Variants in SEMA3G observed in about 807,000 individuals in gnomAD.
SEMA3G encodes the protein semaphorin-3G.
A neutral mutation model predicts 86.2 loss-of-function variants in SEMA3G; 70 were observed. The ratio of observed to expected loss-of-function variants is 0.81; its 90% CI spans 0.67 to 0.99. The LOEUF is 0.99. SEMA3G is among the 50% of genes least tolerant of loss of function. The pLI, the probability that SEMA3G is intolerant of heterozygous loss-of-function variation, is 0.00. For missense variants in SEMA3G, 1,002 were observed against 1,072.4 expected (o/e 0.93, Z 0.92); for synonymous variants, 416 against 441.4 (o/e 0.94, Z 0.72).
At position 52,441,037 on chromosome 3, in the gene SEMA3G, C is replaced by T. The variant is rs1706143790; in HGVS notation, c.825G>A (p.Gly275=). ...RVGRVCVNDA[G]GQRVLVNKWS... Reference sequence around the variant, plus strand: ...ATTTGTTCACCAGCACCCGCTGGCCCCCAGCATCATTCTGCAGGATAAGGG... The same window carrying T: ...ATTTGTTCACCAGCACCCGCTGGCCTCCAGCATCATTCTGCAGGATAAGGG... The change falls in exon 8 of 16, where the codon GGG becomes GGA. Residue 275 remains glycine, a synonymous_variant. Coordinates refer to ENST00000231721, the MANE Select transcript of SEMA3G (RefSeq NM_020163.3). 2.5e-6 allele frequency: 4 copies of T among 1,597,276 alleles called. No individual in the cohort carries two copies. The highest frequency in any genetic ancestry group is 3.4e-6 in the Non-Finnish European group (4 of 1,177,250).
In SEMA3G at chr3:52,434,748, T is replaced by C. The variant is rs972482641; in HGVS notation, c.*855A>G. ...CCCAGCTCCCCCACCCTATCTCTAGTCCACAGACACAAGGGACAACAATGC... is the reference window on the plus strand; with the variant it reads ...CCCAGCTCCCCCACCCTATCTCTAGCCCACAGACACAAGGGACAACAATGC... On this transcript the variant is annotated 3_prime_UTR_variant, in exon 16 of 16. Coordinates refer to ENST00000231721, the MANE Select transcript of SEMA3G (RefSeq NM_020163.3). This position sits in a 1 kb window ranked among gnomAD's most constrained non-coding sequence, Gnocchi z 5.2. 1.3e-5 allele frequency: 2 copies of C among 152,044 alleles called. No individual in the cohort carries two copies. The highest frequency in any genetic ancestry group is 2.9e-5 in the Non-Finnish European group (2 of 68,008). The allele number at this position is 152,044 out of a possible 1,614,324, so 9.4% of individuals were successfully genotyped here.
chr3:52,435,768 G>A lies in SEMA3G; in HGVS notation c.2184C>T (p.Arg728=), dbSNP rs777532167. 6 of 1,614,102 alleles carry A rather than the reference G, an allele frequency of 3.7e-6. No individual in the cohort carries two copies. The highest frequency in any genetic ancestry group is 5.1e-6 in the Non-Finnish European group (6 of 1,180,016). ...NLPRVDEYCE[R]VWCRGTTECS... ...ATTCCGTGGTGCCCCTGCACCACACGCGCTCACAGTACTCATCCACCCGGG... is the reference window on the plus strand; with the variant it reads ...ATTCCGTGGTGCCCCTGCACCACACACGCTCACAGTACTCATCCACCCGGG... Residue 728 remains arginine (R), a synonymous_variant, in exon 16 of 16, where the codon CGC becomes CGT. Transcript: ENST00000231721.
At position 52,444,989 on chromosome 3, in the gene SEMA3G, C is replaced by G; in HGVS notation, c.39G>C (p.Gly13=). 6 of 1,290,638 alleles carry G rather than the reference C, an allele frequency of 4.6e-6. No individual in the cohort carries two copies. Among genetic ancestry groups the G allele is most frequent in the Non-Finnish European group, 5.9e-6 (6 of 1,013,232 alleles). 79.9% of individuals were successfully genotyped at this position (1,290,638 alleles called of 1,614,324 possible). Residue 13 remains glycine (G), a synonymous_variant, in exon 1 of 16, where the codon GGG becomes GGC. Transcript: ENST00000231721. ...AGCTACCCCCATGGAGCAGGAGGCCCCCTAGCAGCCAGCAAATGGCCCAGG... is the reference window on the plus strand; with the variant it reads ...AGCTACCCCCATGGAGCAGGAGGCCGCCTAGCAGCCAGCAAATGGCCCAGG... The part of the protein sequence containing the change: ...PSAWAICWLL[G]GLLLHGGSSG...
rs1706130935 is a variant in SEMA3G at position 52,440,461 on chromosome 3, G to GTCATTAA, written c.1058_1059insTTAATGA (p.Asn354Ter). The GTCATTAA allele has an allele frequency of 6.2e-7, 1 of 1,606,874 alleles. No individual in the cohort carries two copies. The highest frequency in any genetic ancestry group is 1.4e-5 in the African/African-American group (1 of 73,984). ...CATCTCGGTGGGCAAAGGGCCCGTT[G>GTCATTAA]AAAACCTCCCAGATGTCTGCCATGT... On this transcript the variant is annotated stop_gained and frameshift_variant, in exon 10 of 16. Coordinates refer to ENST00000231721, the MANE Select transcript of SEMA3G (RefSeq NM_020163.3). LOFTEE classifies it high-confidence loss of function.
chr3:52,441,717 CAG>C lies in SEMA3G; in HGVS notation c.551-29_551-28del. On this transcript the variant is annotated intron_variant, in intron 5 of 15. Transcript: ENST00000231721. ...TGGGGTGGGGGTTGGGGAACAGAGT[CAG>C]GGGAGGAGGCCCAGGCCCAGCAGCC... The C allele has an allele frequency of 3.1e-6, 5 of 1,604,542 alleles. 1 individual carries two copies. Among genetic ancestry groups the C allele is most frequent in the Middle Eastern group, 3.3e-4 (2 of 6,054 alleles).
rs1187235452 is a variant in SEMA3G, at chr3:52,441,919, G to C, written c.460-10C>G. 6.5e-7 allele frequency: 1 copy of C among 1,549,010 alleles called. No homozygotes were observed. The highest frequency in any genetic ancestry group is 8.8e-7 in the Non-Finnish European group (1 of 1,142,554). On this transcript the variant is annotated splice_polypyrimidine_tract_variant and intron_variant, in intron 4 of 15. Transcript: ENST00000231721. ...CCAGGTGGAGCACATGCTAGTGGGAGGGAGAGAGGGAGGGAGGGGCGTCAC... is the reference window on the plus strand; with the variant it reads ...CCAGGTGGAGCACATGCTAGTGGGACGGAGAGAGGGAGGGAGGGGCGTCAC...
chr3:52,437,824 A>G, intron 14 of SEMA3G, 147 bp downstream of exon 14: 1 of 1,095,676 alleles, frequency 9.1e-7, no homozygotes, highest in Non-Finnish European at 1.3e-6. Flanking sequence ...CCCTGCTTCC[A>G]TGCACTAGCA....
intron 1 of SEMA3G, chr3:52,443,214 A>G: frequency 2.0e-6 from 1 of 496,330 alleles, no homozygotes; most frequent in East Asian, 4.6e-5. Context: ...CCCAGTCCCC[A>G]GGGAAGAAGG....
chr3:52,438,241 T>A (rs1374077191), intron 13 of SEMA3G, 42 bp from the exon 14 acceptor site: 1 of 1,549,868 alleles, frequency 6.5e-7, no homozygotes, highest in African/African-American at 1.4e-5. Context: ...AGCCCAGGCT[T>A]CGCCCACACG....
At position 52,435,623 on chromosome 3, in the gene SEMA3G, G is replaced by A. The variant is rs201289437; in HGVS notation, c.2329C>T (p.Arg777Trp). Residue 777 changes from arginine to tryptophan, a missense_variant, in exon 16 of 16, where the codon CGG (arginine) becomes TGG (tryptophan). Physicochemically the swap from Arg to Trp is moderately radical, Grantham distance 101. Coordinates refer to ENST00000231721, the MANE Select transcript of SEMA3G (RefSeq NM_020163.3). ...CCCTTCTACGTGGCCTCCACCTCCC[G>A]GGGCGTCCGATTGTGCTCGGCATGC... ...RVHAEHNRTPREVEAT is the reference protein window; with the variant it reads ...RVHAEHNRTPWEVEAT 1.4e-3 allele frequency: 2,296 copies of A among 1,612,286 alleles called. 5 individuals carry two copies. Among genetic ancestry groups the A allele is most frequent in the Non-Finnish European group, 1.8e-3 (2,149 of 1,179,046 alleles).
At chr3:52,437,748 A>T in intron 14 of SEMA3G, 82 bp from the exon 15 acceptor site, 1 of 1,471,246 alleles carries the variant, frequency 6.8e-7, no homozygotes, top group Non-Finnish European at 9.3e-7. Flanking sequence ...ACAGCTCAGG[A>T]GCCCCACTAG....
chr3:52,438,111 C>T lies in SEMA3G; in HGVS notation c.1598G>A (p.Cys533Tyr), dbSNP rs752843389. The T allele has an allele frequency of 6.2e-7, 1 of 1,613,294 alleles. No homozygotes were observed. Among genetic ancestry groups the T allele is most frequent in the Non-Finnish European group, 8.5e-7 (1 of 1,180,028 alleles). The change falls in exon 14 of 16, where the codon TGC becomes TAC. Residue 533 changes from cysteine to tyrosine, a missense_variant. Physicochemically the swap from Cys to Tyr is radical, Grantham distance 194. Coordinates refer to ENST00000231721, the MANE Select transcript of SEMA3G (RefSeq NM_020163.3). ...ETYGTACAEC[C>Y]LARDPYCAWD... ...GGCACAGTATGGGTCCCGGGCCAGG[C>T]AGCACTCTGCACAGGCAGTGCCGTA...
At chr3:52,436,142 G>A in intron 15 of SEMA3G, 69 bp from the exon 16 acceptor site, 8 of 1,497,976 alleles carry the variant, frequency 5.3e-6, no homozygotes, top group Non-Finnish European at 7.1e-6. Context: ...CTCTGCCCCA[G>A]CTTTTCTGCC....
Position 52,437,988 on chromosome 3 carries a change from A to G in SEMA3G, c.1721T>C (p.Leu574Pro), listed in dbSNP as rs750268650. 6.2e-7 allele frequency: 1 copy of G among 1,612,400 alleles called. No individual in the cohort carries two copies. The highest frequency in any genetic ancestry group is 8.5e-7 in the Non-Finnish European group (1 of 1,179,762). The stretch of plus-strand genomic sequence containing the variant: ...CCACTCACCTTCCTGGCTCTGGCCC[A>G]GGCACTGCAGGGCAGGGTTGCCGTG... ...IRHGNPALQC[L>P]GQSQEEEAVG... Residue 574 changes from leucine to proline, a missense_variant, in exon 14 of 16, where the codon CTG (leucine) becomes CCG (proline). By Grantham distance (98) the Leu-to-Pro change is moderately conservative (BLOSUM62 -3). Transcript: ENST00000231721.
At position 52,435,755 on chromosome 3, in the gene SEMA3G, C is replaced by T. The variant is rs140755537; in HGVS notation, c.2197G>A (p.Gly733Ser). 33 of 1,614,090 alleles carry T rather than the reference C, an allele frequency of 2.0e-5. No individual in the cohort carries two copies. In the African/African-American group the frequency reaches 4.3e-4, roughly 21 times the overall value. The part of the protein sequence containing the change: ...DEYCERVWCR[G>S]TTECSGCFRS... ...AAGCAGCCTGAGCATTCCGTGGTGC[C>T]CCTGCACCACACGCGCTCACAGTAC... The change falls in exon 16 of 16, where the codon GGC becomes AGC. Residue 733 changes from glycine to serine, a missense_variant. Physicochemically the swap from Gly to Ser is moderately conservative, Grantham distance 56 (BLOSUM62 0). Transcript: ENST00000231721.
chr3:52,435,879 C>G lies in SEMA3G; in HGVS notation c.2073G>C (p.Glu691Asp), dbSNP rs769509391. 5.6e-6 allele frequency: 9 copies of G among 1,614,096 alleles called. No individual in the cohort carries two copies. The highest frequency in any genetic ancestry group is 1.7e-5 in the Admixed American group (1 of 60,032). The change falls in exon 16 of 16, where the codon GAG becomes GAC. Residue 691 changes from glutamate (E) to aspartate (D), a missense_variant. Transcript: ENST00000231721. ...NLFPPEPKPEEPPARGGLAST... is the reference protein window; with the variant it reads ...NLFPPEPKPEDPPARGGLAST... ...AAGCCAGGCCTCCCCGGGCTGGGGG[C>G]TCCTCTGGCTTTGGCTCCGGAGGGA...
Position 52,439,986 on chromosome 3 carries a change from C to G in SEMA3G, c.1256G>C (p.Arg419Pro), listed in dbSNP as rs1050266674. The part of the protein sequence containing the change: ...RAHPLMFWPV[R>P]PRHGRPVLVK... Reference sequence around the variant, plus strand: ...AAGGACAGGGCGGCCATGTCGAGGCCGCACAGGCCAGAACATGAGGGGGTG... The same window carrying G: ...AAGGACAGGGCGGCCATGTCGAGGCGGCACAGGCCAGAACATGAGGGGGTG... Residue 419 changes from arginine to proline, a missense_variant, in exon 11 of 16, where the codon CGG (arginine) becomes CCG (proline). Transcript: ENST00000231721. The G allele has an allele frequency of 3.1e-6, 5 of 1,613,660 alleles. No homozygotes were observed. The highest frequency in any genetic ancestry group is 2.2e-5 in the South Asian group (2 of 91,078).
In SEMA3G at chr3:52,442,663, C is replaced by T; in HGVS notation, c.277-42G>A. 1 of 1,614,064 alleles carries T rather than the reference C, an allele frequency of 6.2e-7. No homozygotes were observed. Among genetic ancestry groups the T allele is most frequent in the Non-Finnish European group, 8.5e-7 (1 of 1,179,938 alleles). The stretch of plus-strand genomic sequence containing the variant: ...CTGACCTCAGGTCCTCCCCTGATCT[C>T]ACAGGCTCAGTTTCCCCATCTGGCC... On this transcript the variant is annotated intron_variant, in intron 2 of 15. Coordinates refer to ENST00000231721, the MANE Select transcript of SEMA3G (RefSeq NM_020163.3). The surrounding 1 kb of genome is among the most constrained non-coding windows in gnomAD (Gnocchi z 6.1).
chr3:52,440,123 C>A (rs1706119588), intron 10 of SEMA3G, 25 bp from the exon 11 acceptor site: 2 of 1,521,498 alleles, frequency 1.3e-6, no homozygotes, highest in South Asian at 1.2e-5. Flanking sequence ...GAAGGGAGTG[C>A]CTGAAGTATC....
Sources: allele counts gnomAD v4.1 joint callset, GRCh38; gene constraint gnomAD v4.1.1; non-coding constraint Gnocchi (gnomAD v3.1); transcripts MANE v1.5; gene names NCBI Gene and HGNC (gene_info 2026-07-23, HGNC 2026-07-21).